ZNF474: variants seen among roughly 807,000 people sequenced by gnomAD.
The protein encoded by ZNF474 is zinc finger protein 474.
For synonymous variants in ZNF474, 192 were observed against 162.2 expected, an observed-to-expected ratio of 1.18 and a Z score of -1.39; for missense variants, 511 against 433.8, an observed-to-expected ratio of 1.18 and a Z score of -1.58.
At chr5:122,140,150 A>G (rs1363186494) in intron 1 of ZNF474, among the ~76,000 whole-genome samples, 1 of 152,220 alleles carries the variant, frequency 6.6e-6, no homozygotes, top group Admixed American at 6.5e-5. Context: ...CCCTTCCAAA[A>G]TTCATGTTGA....
chr5:122,132,979 A>G (rs892859545), intron 1 of ZNF474, among the ~76,000 whole-genome samples: 3 of 152,206 alleles, frequency 2.0e-5, no homozygotes, highest in African/African-American at 4.8e-5. Context: ...ATACGCAAGA[A>G]TTAGAATCAG....
chr5:122,150,494 C>G (rs562727233), intron 1 of ZNF474, among the ~76,000 whole-genome samples: 1 of 152,296 alleles, frequency 6.6e-6, no homozygotes, highest in South Asian at 2.1e-4. Context: ...ACCAGGACTG[C>G]TGGCCTTGCA....
chr5:122,135,923 G>A (rs774826320), intron 1 of ZNF474, among the ~76,000 whole-genome samples: 20 of 151,970 alleles, frequency 1.3e-4, no homozygotes, highest in Non-Finnish European at 2.4e-4. Context: ...TTACTCAAAT[G>A]TGGGAGCTAA....
At chr5:122,135,278 T>C (rs1373521947) in intron 1 of ZNF474, among the ~76,000 whole-genome samples, 2 of 152,156 alleles carry the variant, frequency 1.3e-5, no homozygotes, top group African/African-American at 4.8e-5. Context: ...GAGACCAGCC[T>C]GGGCAACATA....
intron 1 of ZNF474, among the ~76,000 whole-genome samples, chr5:122,135,906 C>T (rs959878451): frequency 2.0e-5 from 3 of 151,666 alleles, no homozygotes; most frequent in Non-Finnish European, 4.4e-5. Context: ...GACAGTAGAA[C>T]ATGTTCTTAC....
At chr5:122,143,681 G>A (rs1324564677) in intron 1 of ZNF474, among the ~76,000 whole-genome samples, 1 of 152,158 alleles carries the variant, frequency 6.6e-6, no homozygotes, top group Non-Finnish European at 1.5e-5. Flanking sequence ...TCCCCACAAG[G>A]AAGCATAATT....
intron 1 of ZNF474, among the ~76,000 whole-genome samples, chr5:122,148,249 T>C (rs1211680608): frequency 6.6e-6 from 1 of 152,238 alleles, no homozygotes; most frequent in Admixed American, 6.5e-5. Context: ...GACACCTCCG[T>C]TCCCAAAAAT....
intron 1 of ZNF474, among the ~76,000 whole-genome samples, chr5:122,146,779 C>G (rs1306357564): frequency 1.3e-5 from 2 of 152,340 alleles, no homozygotes; most frequent in East Asian, 3.9e-4. Context: ...CAGGCCTCTG[C>G]TCTGTCATAT....
chr5:122,152,165 C>A lies in ZNF474; in HGVS notation c.175C>A (p.Gln59Lys), dbSNP rs1002376544. ...NPGENIKTDT[Q>K]KKRPGTVILS... ...TGGTGAAAATATAAAGACAGACACT[C>A]AGAAAAAGAGACCTGGGACTGTGAT... The change falls in exon 2 of 2, where the codon CAG becomes AAG. Residue 59 changes from glutamine to lysine, a missense_variant. Gln to Lys is a moderately conservative substitution (Grantham distance 53). Coordinates refer to ENST00000296600, the MANE Select transcript of ZNF474 (RefSeq NM_207317.3). 5 of 1,614,084 alleles carry A rather than the reference C, an allele frequency of 3.1e-6. No homozygotes were observed. The African/African-American group carries it at 5.3e-5, about 17-fold the overall frequency.
intron 1 of ZNF474, among the ~76,000 whole-genome samples, chr5:122,146,857 G>A (rs570278230): frequency 9.2e-5 from 14 of 152,104 alleles, no homozygotes; most frequent in African/African-American, 2.2e-4. Context: ...ATCCATCTTC[G>A]AAGCATCAGT....
intron 1 of ZNF474, among the ~76,000 whole-genome samples, chr5:122,142,014 C>T (rs1396145821): frequency 6.6e-6 from 1 of 152,182 alleles, no homozygotes; most frequent in East Asian, 1.9e-4. Context: ...ATATAAGCCA[C>T]ATTTTTCTAG....
At chr5:122,150,772 T>C (rs1756147908) in intron 1 of ZNF474, among the ~76,000 whole-genome samples, 1 of 152,176 alleles carries the variant, frequency 6.6e-6, no homozygotes. Context: ...CTTCTTCTGG[T>C]GGGGATCCTT....
In ZNF474 at chr5:122,153,277, G is replaced by T; in HGVS notation, c.*192G>T. On this transcript the variant is annotated 3_prime_UTR_variant, in exon 2 of 2. Transcript: ENST00000296600. ...TGGGTTCATATTCCTCTTCAATTCT[G>T]CTGTCTAAAAGAAGAAGAGATGGAC... 1 of 585,460 alleles carries T rather than the reference G, an allele frequency of 1.7e-6. No homozygotes were observed. Among genetic ancestry groups the T allele is most frequent in the Non-Finnish European group, 2.8e-6 (1 of 352,718 alleles). 36.3% of individuals were successfully genotyped at this position (585,460 alleles called of 1,614,324 possible). A position where few individuals can be genotyped will look rare whatever the true frequency, so the allele number is the denominator to read the frequency against.
chr5:122,151,888 GA>G lies in ZNF474; in HGVS notation c.-101del, dbSNP rs1756186911. 7 of 1,426,110 alleles carry G rather than the reference GA, an allele frequency of 4.9e-6. No individual in the cohort carries two copies. The East Asian group carries it at 1.6e-4, about 33-fold the overall frequency. The allele number at this position is 1,426,110 out of a possible 1,614,324, so 88.3% of individuals were successfully genotyped here. A position where few individuals can be genotyped will look rare whatever the true frequency, so the allele number is the denominator to read the frequency against. On this transcript the variant is annotated 5_prime_UTR_variant, in exon 2 of 2. Transcript: ENST00000296600. The stretch of plus-strand genomic sequence containing the variant: ...GAGGCTAAGGTACTGGCAACGGTGT[GA>G]ACCCCAGGACAACTAACCTCACTAA...
chr5:122,147,254 C>T (rs184380878), intron 1 of ZNF474, among the ~76,000 whole-genome samples: 1 of 152,238 alleles, frequency 6.6e-6, no homozygotes, highest in East Asian at 1.9e-4. Flanking sequence ...TTGATCAGAG[C>T]CACCATCAGC....
At chr5:122,135,895 G>A (rs1035491972) in intron 1 of ZNF474, among the ~76,000 whole-genome samples, 2 of 151,774 alleles carry the variant, frequency 1.3e-5, no homozygotes, top group African/African-American at 4.8e-5. Flanking sequence ...AAGCACAGAA[G>A]GACAGTAGAA....
intron 1 of ZNF474, among the ~76,000 whole-genome samples, chr5:122,139,428 C>T (rs1171258763): frequency 1.3e-5 from 2 of 152,006 alleles, no homozygotes; most frequent in Non-Finnish European, 2.9e-5. Flanking sequence ...ATTTTATTGT[C>T]AATTTTATAA....
In ZNF474 at chr5:122,152,350, G is replaced by A. The variant is rs1346199589; in HGVS notation, c.360G>A (p.Trp120Ter). The change falls in exon 2 of 2, where the codon TGG (tryptophan) becomes TGA (stop). Residue 120 changes from tryptophan (W) to a stop codon, truncating the protein, a stop_gained. Transcript: ENST00000296600. LOFTEE classifies it low-confidence loss of function (END_TRUNC). ...ATGAACCCCAGTGCTTGCAGAAGTGGCATATTGAAAACAGCAAGTTGCCCA... is the reference window on the plus strand; with the variant it reads ...ATGAACCCCAGTGCTTGCAGAAGTGACATATTGAAAACAGCAAGTTGCCCA... ...AIHEPQCLQK[W>*]HIENSKLPKH... The A allele has an allele frequency of 1.9e-6, 3 of 1,614,052 alleles. No homozygotes were observed. Among genetic ancestry groups the A allele is most frequent in the Non-Finnish European group, 2.5e-6 (3 of 1,180,042 alleles).
At chr5:122,141,204 G>T (rs1323896654) in intron 1 of ZNF474, among the ~76,000 whole-genome samples, 1 of 146,294 alleles carries the variant, frequency 6.8e-6, no homozygotes, top group Non-Finnish European at 1.5e-5. Flanking sequence ...AGGCTGGAGT[G>T]CTGTGGCGCG....
Sources: gnomAD v4.1 joint callset for allele counts (sites outside exome capture counted in the v4.1 genomes callset) on GRCh38, gnomAD v4.1.1 for gene constraint, MANE v1.5 for transcripts, NCBI Gene and HGNC (gene_info 2026-07-23, HGNC 2026-07-21) for gene names.